The following AMPH variants were observed in gnomAD, a reference collection of about 807,000 sequenced individuals.
AMPH encodes amphiphysin (Stiff-Mann syndrome with breast cancer 128kD autoantigen).
A neutral mutation model predicts 99.1 loss-of-function variants in AMPH; 49 were observed. The observed-to-expected ratio is 0.49, with a 90% CI of 0.39 to 0.63. The LOEUF (loss-of-function observed/expected upper bound fraction) is 0.63, where lower values mean the gene tolerates loss of function less well. AMPH is among the 20% of genes least tolerant of loss of function. The probability of loss-of-function intolerance (pLI) is 0.00; values close to 1 mark genes in which losing one functional copy is unlikely to be tolerated. For synonymous variants in AMPH, 314 were observed against 317.3 expected (o/e 0.99, Z 0.11); for missense variants, 759 against 863.4 (o/e 0.88, Z 1.52).
intron 2 of AMPH, among the ~76,000 whole-genome samples, chr7:38,505,010 G>A (rs1420873673): frequency 6.6e-6 from 1 of 152,136 alleles, no homozygotes; most frequent in Non-Finnish European, 1.5e-5. Flanking sequence ...TTGCCCAAAA[G>A]AGTGGTGGTG....
At chr7:38,520,228 G>T (rs1038204104) in intron 2 of AMPH, among the ~76,000 whole-genome samples, 16 of 152,086 alleles carry the variant, frequency 1.1e-4, no homozygotes, top group Non-Finnish European at 1.6e-4. Context: ...GTATTCATCT[G>T]GGAAACAAAC....
intron 1 of AMPH, among the ~76,000 whole-genome samples, chr7:38,604,125 G>C (rs1331430024): frequency 6.6e-6 from 1 of 152,220 alleles, no homozygotes; most frequent in African/African-American, 2.4e-5. Flanking sequence ...ATGGGATGAT[G>C]TGGTCATTTG....
At chr7:38,457,181 T>C (rs1055094031) in intron 11 of AMPH, among the ~76,000 whole-genome samples, 1 of 152,030 alleles carries the variant, frequency 6.6e-6, no homozygotes, top group African/African-American at 2.4e-5. Context: ...TGCACAGATA[T>C]CAACACAATG....
At chr7:38,497,915 C>A (rs558680045) in intron 3 of AMPH, among the ~76,000 whole-genome samples, 5 of 152,200 alleles carry the variant, frequency 3.3e-5, no homozygotes, top group Admixed American at 6.5e-5. Flanking sequence ...AATGACACCA[C>A]GTGCACTGTG....
chr7:38,493,794 T>C (rs949479752), intron 4 of AMPH, among the ~76,000 whole-genome samples: 1 of 152,170 alleles, frequency 6.6e-6, no homozygotes, highest in Non-Finnish European at 1.5e-5. Flanking sequence ...GGGATTGAGA[T>C]GAACGGGTGA....
chr7:38,391,537 T>C (rs1260058286), intron 19 of AMPH, among the ~76,000 whole-genome samples: 1 of 152,214 alleles, frequency 6.6e-6, no homozygotes, highest in Non-Finnish European at 1.5e-5. Context: ...CTGTTTGCCC[T>C]GTGGTGAACT....
chr7:38,433,064 C>G (rs1014657175), intron 12 of AMPH, among the ~76,000 whole-genome samples: 1 of 152,176 alleles, frequency 6.6e-6, no homozygotes, highest in Non-Finnish European at 1.5e-5. Flanking sequence ...AATGGATCCA[C>G]GTTTATGCAC....
At chr7:38,392,846 TAG>T (rs1321036567) in intron 18 of AMPH, 1 of 152,314 alleles carries the variant, frequency 6.6e-6, no homozygotes, top group Non-Finnish European at 1.5e-5. Context: ...GATCATCCAC[TAG>T]TCCTTCGCTT....
intron 1 of AMPH, among the ~76,000 whole-genome samples, chr7:38,584,150 C>T (rs1204960183): frequency 6.6e-6 from 1 of 152,156 alleles, no homozygotes; most frequent in Non-Finnish European, 1.5e-5. Flanking sequence ...TAGTCATTGT[C>T]CTTTCATGCT....
rs1481528083 is a variant in AMPH at position 38,525,277 on chromosome 7, T to TATATATAGAG, written c.150+9653_150+9654insCTCTATATAT. Among the ~76,000 whole-genome samples, 599 of 86,598 alleles carry TATATATAGAG rather than the reference T, an allele frequency of 6.9e-3. 4 individuals carry two copies. Among genetic ancestry groups the TATATATAGAG allele is most frequent in the East Asian group, 0.017 (48 of 2,768 alleles). 56.8% of individuals were successfully genotyped at this position (86,598 alleles called of 152,430 possible). A position where few individuals can be genotyped will look rare whatever the true frequency, so the allele number is the denominator to read the frequency against. ...GTGTGTGTATATATATATATATATA[T>TATATATAGAG]AGAGAGAGAGAGAGAGAGAGAGAGA... On this transcript the variant is annotated intron_variant, in intron 2 of 20. Transcript: ENST00000356264.
chr7:38,391,192 G>A (rs965162515), intron 19 of AMPH, among the ~76,000 whole-genome samples: 1 of 152,158 alleles, frequency 6.6e-6, no homozygotes, highest in Non-Finnish European at 1.5e-5. Context: ...GAACCCTTTG[G>A]TTTATGAAGG....
At chr7:38,512,995 G>C (rs1168841590) in intron 2 of AMPH, among the ~76,000 whole-genome samples, 1 of 152,152 alleles carries the variant, frequency 6.6e-6, no homozygotes, top group African/African-American at 2.4e-5. Flanking sequence ...GAAATAAATA[G>C]AAAGACTATA....
At chr7:38,399,487 G>A (rs1784781916) in intron 17 of AMPH, among the ~76,000 whole-genome samples, 1 of 152,198 alleles carries the variant, frequency 6.6e-6, no homozygotes. Context: ...CAGATTAGGT[G>A]TTAGCTGTAG....
chr7:38,555,496 G>T (rs1020331900), intron 1 of AMPH, among the ~76,000 whole-genome samples: 3 of 152,094 alleles, frequency 2.0e-5, no homozygotes, highest in Non-Finnish European at 4.4e-5. Flanking sequence ...TGCAAGGGCT[G>T]GCCTTGACAA....
intron 11 of AMPH, among the ~76,000 whole-genome samples, chr7:38,438,565 C>T (rs1279167408): frequency 1.3e-5 from 2 of 152,038 alleles, no homozygotes; most frequent in African/African-American, 4.8e-5. Flanking sequence ...GGAATATATT[C>T]ATTATTTCCT....
intron 2 of AMPH, among the ~76,000 whole-genome samples, chr7:38,534,086 C>A (rs919558664): frequency 6.6e-6 from 1 of 151,678 alleles, no homozygotes; most frequent in Admixed American, 6.6e-5. Context: ...ACTTTTTTTT[C>A]TGAATTACAC....
chr7:38,530,485 C>G (rs1303105494), intron 2 of AMPH, among the ~76,000 whole-genome samples: 1 of 152,218 alleles, frequency 6.6e-6, no homozygotes. Flanking sequence ...CCAAGGCTCT[C>G]TCTCCTTTAT....
At chr7:38,433,724 C>CAAAAAAAAAAAAAAAAA (rs570503359) in intron 12 of AMPH, among the ~76,000 whole-genome samples, 20 of 53,190 alleles carry the variant, frequency 3.8e-4, no homozygotes, top group African/African-American at 1.1e-3. Context: ...GACTCCGTCT[C>CAAAAAAAAAAAAAAAAA]AAAAAAAAAA....
At chr7:38,494,290 A>T (rs751717450) in intron 4 of AMPH, 143 bp downstream of exon 4, 11 of 678,640 alleles carry the variant, frequency 1.6e-5, no homozygotes, top group Non-Finnish European at 2.8e-5. Flanking sequence ...GTTTGGAATC[A>T]TCAGGCAGCA....
Sources: gnomAD v4.1 joint callset for allele counts (sites outside exome capture counted in the v4.1 genomes callset) on GRCh38, gnomAD v4.1.1 for gene constraint, MANE v1.5 for transcripts, NCBI Gene and HGNC (gene_info 2026-07-23, HGNC 2026-07-21) for gene names.